Variants in CSMD3 observed in about 807,000 individuals in gnomAD.
CSMD3 encodes the protein CUB and sushi domain-containing protein 3.
In CSMD3, 177 loss-of-function variants were observed where a neutral mutation model predicts 435.2. That is an observed-to-expected ratio of 0.41 (90% CI 0.36 to 0.46). The LOEUF (loss-of-function observed/expected upper bound fraction) is 0.46, where lower values mean the gene tolerates loss of function less well. Ranked by LOEUF, CSMD3 falls within the 20% of genes least tolerant of loss-of-function variation. The pLI is 0.34. For synonymous variants in CSMD3, 1,656 were observed against 1,520.5 expected (o/e 1.09, Z -2.07); for missense variants, 4,265 against 4,504.6 (o/e 0.95, Z 1.52).
intron 10 of CSMD3, among the ~76,000 whole-genome samples, chr8:112,894,254 T>C (rs28493898): frequency 1.3e-5 from 2 of 151,534 alleles, no homozygotes; most frequent in Admixed American, 6.6e-5. Flanking sequence ...TAGACCCAGA[T>C]GGCATTGAAA....
chr8:113,217,144 G>A (rs2092914728), intron 3 of CSMD3, among the ~76,000 whole-genome samples: 1 of 151,642 alleles, frequency 6.6e-6, no homozygotes, highest in Non-Finnish European at 1.5e-5. Flanking sequence ...AAAGAGAAAA[G>A]AAAAATAGAA....
chr8:112,587,381 G>A (rs933960773), intron 22 of CSMD3, 146 bp from the exon 23 acceptor site: 3 of 628,842 alleles, frequency 4.8e-6, no homozygotes, highest in East Asian at 5.6e-5. Context: ...TGTTGTAAAT[G>A]ATTAATTCCC....
In CSMD3 at chr8:112,237,087, A is replaced by C. The variant is rs1028708827; in HGVS notation, c.10627+103T>G. 3 of 1,341,146 alleles carry C rather than the reference A, an allele frequency of 2.2e-6. No homozygotes were observed. In the African/African-American group the frequency reaches 4.3e-5, roughly 19 times the overall value. The allele number at this position is 1,341,146 out of a possible 1,614,324, so 83.1% of individuals were successfully genotyped here. On this transcript the variant is annotated intron_variant, in intron 67 of 70. Transcript: ENST00000297405. ...GAATGTCATCAAAAGCAAATGTATC[A>C]AAATAAACATTTCACCATATAAAAA...
chr8:113,377,539 G>C (rs1423462378), intron 1 of CSMD3, among the ~76,000 whole-genome samples: 2 of 152,106 alleles, frequency 1.3e-5, no homozygotes, highest in Non-Finnish European at 2.9e-5. Flanking sequence ...CTGAGTTTTA[G>C]TTCATTTGAG....
In CSMD3 at chr8:112,656,066, G is replaced by A. The variant is rs964752403; in HGVS notation, c.3004+88C>T. The A allele has an allele frequency of 4.1e-6, 3 of 724,530 alleles. No individual in the cohort carries two copies. In the Admixed American group the frequency reaches 6.9e-5, roughly 17 times the overall value. The allele number at this position is 724,530 out of a possible 1,614,324, so 44.9% of individuals were successfully genotyped here. The stretch of plus-strand genomic sequence containing the variant: ...GGAAAGCTTTGATTTAAAATAAATA[G>A]AGCTAATAGTTCCATTAGTAAAACT... On this transcript the variant is annotated intron_variant, in intron 18 of 70. Transcript: ENST00000297405.
chr8:112,534,806 G>A (rs1489297658), intron 27 of CSMD3, among the ~76,000 whole-genome samples: 1 of 152,012 alleles, frequency 6.6e-6, no homozygotes, highest in Admixed American at 6.6e-5. Context: ...ACCGAATCCA[G>A]CAGCACATCA....
chr8:112,227,085 G>T (rs776449034), intron 70 of CSMD3, among the ~76,000 whole-genome samples: 20 of 152,208 alleles, frequency 1.3e-4, no homozygotes, highest in Admixed American at 2.6e-4. Context: ...ATACTGAAAA[G>T]AACTGAAAAT....
intron 35 of CSMD3, among the ~76,000 whole-genome samples, chr8:112,405,214 C>CATATATATATATATATATATATAT (rs71309768): frequency 1.6e-4 from 3 of 19,068 alleles, no homozygotes; most frequent in Non-Finnish European, 2.4e-4. Flanking sequence ...AAAAAACCCC[C>CATATATATATATATATATATATAT]ATATATATAT....
chr8:113,371,030 T>A (rs1367850551), intron 1 of CSMD3, among the ~76,000 whole-genome samples: 1 of 152,124 alleles, frequency 6.6e-6, no homozygotes, highest in Non-Finnish European at 1.5e-5. Context: ...GTTATAGGTA[T>A]GCGGAACTTA....
chr8:113,211,176 T>C (rs562510232), intron 3 of CSMD3, among the ~76,000 whole-genome samples: 53 of 152,332 alleles, frequency 3.5e-4, no homozygotes, highest in African/African-American at 1.3e-3. Flanking sequence ...AAATTATATG[T>C]AAATTTTTAT....
chr8:113,377,212 G>C, intron 1 of CSMD3: 1 of 1,049,000 alleles, frequency 9.5e-7, no homozygotes, highest in South Asian at 2.2e-5. Context: ...TCGAGCGCGC[G>C]AGAGACCGAA....
At chr8:112,989,981 C>G (rs1300480405) in intron 6 of CSMD3, among the ~76,000 whole-genome samples, 1 of 151,820 alleles carries the variant, frequency 6.6e-6, no homozygotes, top group African/African-American at 2.4e-5. Flanking sequence ...CTCATGAGAT[C>G]GGATAGTTTT....
At chr8:112,842,893 C>T (rs1039312889) in intron 11 of CSMD3, among the ~76,000 whole-genome samples, 1 of 151,586 alleles carries the variant, frequency 6.6e-6, no homozygotes, top group Non-Finnish European at 1.5e-5. Flanking sequence ...ATTAAACTCT[C>T]GTGATGTTAA....
intron 3 of CSMD3, among the ~76,000 whole-genome samples, chr8:113,234,468 G>A (rs1189301556): frequency 6.6e-6 from 1 of 152,070 alleles, no homozygotes; most frequent in African/African-American, 2.4e-5. Context: ...CTAAGTGCCA[G>A]TCTCTATAAG....
intron 32 of CSMD3, among the ~76,000 whole-genome samples, chr8:112,447,803 T>C (rs1815788425): frequency 6.6e-6 from 1 of 152,194 alleles, no homozygotes. Context: ...TGTTAATAAA[T>C]TGAAAGCCTG....
chr8:113,013,238 G>A (rs1470787791), intron 6 of CSMD3, among the ~76,000 whole-genome samples: 2 of 152,020 alleles, frequency 1.3e-5, no homozygotes, highest in South Asian at 2.1e-4. Context: ...CTTGAGAAAC[G>A]TGGGCATCCT....
intron 3 of CSMD3, among the ~76,000 whole-genome samples, chr8:113,183,591 A>T (rs1325447503): frequency 2.0e-5 from 3 of 151,902 alleles, no homozygotes; most frequent in Admixed American, 2.0e-4. Context: ...AAACCTTCTT[A>T]TCCCCTGCTA....
intron 16 of CSMD3, among the ~76,000 whole-genome samples, chr8:112,678,002 ATT>A (rs916967034): frequency 6.6e-6 from 1 of 152,102 alleles, no homozygotes; most frequent in African/African-American, 2.4e-5. Flanking sequence ...CAATAATATA[ATT>A]TTTTGTATTA....
intron 1 of CSMD3, among the ~76,000 whole-genome samples, chr8:113,435,204 T>C (rs1755941459): frequency 6.6e-6 from 1 of 152,210 alleles, no homozygotes; most frequent in Non-Finnish European, 1.5e-5. Flanking sequence ...GACAAGCTTT[T>C]CGGCTCAGAG....
Sources: gnomAD v4.1 joint callset for allele counts (sites outside exome capture counted in the v4.1 genomes callset) on GRCh38, gnomAD v4.1.1 for gene constraint, MANE v1.5 for transcripts, NCBI Gene and HGNC (gene_info 2026-07-23, HGNC 2026-07-21) for gene names.